PCDH7: variants seen among roughly 807,000 people sequenced by gnomAD.
The protein encoded by PCDH7 is protocadherin 7.
A neutral mutation model predicts 58.9 loss-of-function variants in PCDH7; 17 were observed. The observed-to-expected ratio is 0.29, with a 90% CI of 0.20 to 0.43. The LOEUF is 0.43. PCDH7 is among the 20% of genes least tolerant of loss of function. PCDH7 has a pLI of 1.00. For missense variants in PCDH7, 1,274 were observed against 1,441.0 expected, an observed-to-expected ratio of 0.88 and a Z score of 1.88; for synonymous variants, 664 against 616.4, an observed-to-expected ratio of 1.08 and a Z score of -1.14.
At chr4:30,753,812 A>T (rs534670420) in intron 1 of PCDH7, among the ~76,000 whole-genome samples, 39 of 152,308 alleles carry the variant, frequency 2.6e-4, no homozygotes, top group African/African-American at 9.1e-4. Context: ...CCTCCCAAAA[A>T]AATAATTACC....
At chr4:30,801,628 T>A (rs981518790) in intron 1 of PCDH7, among the ~76,000 whole-genome samples, 1 of 152,224 alleles carries the variant, frequency 6.6e-6, no homozygotes, top group African/African-American at 2.4e-5. Flanking sequence ...TAGCATATTT[T>A]GTTTTAAAGA....
At chr4:31,043,283 C>T (rs1756028199) in intron 3 of PCDH7, among the ~76,000 whole-genome samples, 1 of 152,072 alleles carries the variant, frequency 6.6e-6, no homozygotes, top group Non-Finnish European at 1.5e-5. Context: ...GATTTATATT[C>T]CTTTGGGTAT....
chr4:30,895,234 A>G (rs576583866), intron 1 of PCDH7, among the ~76,000 whole-genome samples: 3 of 151,956 alleles, frequency 2.0e-5, no homozygotes, highest in East Asian at 1.9e-4. Context: ...AAATCTTCCA[A>G]TTTAATCAGG....
intron 1 of PCDH7, among the ~76,000 whole-genome samples, chr4:30,820,658 C>A: frequency 6.6e-6 from 1 of 151,770 alleles, no homozygotes; most frequent in East Asian, 1.9e-4. Flanking sequence ...AGGTCACAAC[C>A]ATCACATCAT....
chr4:30,979,626 G>A (rs1164476316), intron 3 of PCDH7, among the ~76,000 whole-genome samples: 7 of 151,556 alleles, frequency 4.6e-5, no homozygotes, highest in Non-Finnish European at 1.0e-4. Flanking sequence ...AATATGACAT[G>A]CACTATCATA....
At chr4:31,122,930 G>C (rs1038927828) in intron 3 of PCDH7, among the ~76,000 whole-genome samples, 1 of 151,840 alleles carries the variant, frequency 6.6e-6, no homozygotes, top group African/African-American at 2.4e-5. Context: ...AGTTAACTTT[G>C]AATAGCTAGT....
chr4:31,146,751 G>C (rs1414706710), downstream of PCDH7: 2 of 152,072 alleles, frequency 1.3e-5, no homozygotes, highest in Non-Finnish European at 2.9e-5. Context: ...TAAATAAATT[G>C]CTTGTCATTT....
chr4:31,034,705 C>CT (rs1168135129), intron 3 of PCDH7, among the ~76,000 whole-genome samples: 1 of 152,120 alleles, frequency 6.6e-6, no homozygotes, highest in Admixed American at 6.5e-5. Context: ...CACATTTATC[C>CT]TATAATCTCG....
intron 3 of PCDH7, among the ~76,000 whole-genome samples, chr4:31,027,371 T>C (rs1754520723): frequency 6.6e-6 from 1 of 152,176 alleles, no homozygotes; most frequent in African/African-American, 2.4e-5. Context: ...AGTTTAAAAC[T>C]CCTATATTCA....
intron 1 of PCDH7, among the ~76,000 whole-genome samples, chr4:30,868,524 A>C (rs1044652738): frequency 3.9e-5 from 6 of 151,918 alleles, no homozygotes; most frequent in Non-Finnish European, 8.8e-5. Flanking sequence ...TTATTCAAAG[A>C]CTTCTGTTTG....
intron 1 of PCDH7, among the ~76,000 whole-genome samples, chr4:30,912,310 C>G (rs955610010): frequency 3.3e-5 from 5 of 152,178 alleles, no homozygotes; most frequent in African/African-American, 1.2e-4. Context: ...GCCACTGACA[C>G]TGGTTGAGAC....
intron 3 of PCDH7, among the ~76,000 whole-genome samples, chr4:31,027,509 G>A (rs1257635536): frequency 1.3e-5 from 2 of 151,884 alleles, no homozygotes; most frequent in African/African-American, 2.4e-5. Context: ...TGCAACCTCC[G>A]CCTCCCAGGT....
At chr4:31,130,672 C>G (rs1217924027) in intron 3 of PCDH7, among the ~76,000 whole-genome samples, 1 of 152,208 alleles carries the variant, frequency 6.6e-6, no homozygotes, top group Admixed American at 6.5e-5. Context: ...TATTCCCTTT[C>G]TAGAGGCTCA....
At chr4:31,116,040 C>A (rs1487256082) in intron 3 of PCDH7, among the ~76,000 whole-genome samples, 1 of 152,090 alleles carries the variant, frequency 6.6e-6, no homozygotes, top group Non-Finnish European at 1.5e-5. Context: ...ATATTAAAAT[C>A]CCTGTCTATA....
At chr4:30,974,795 G>C (rs1211833112) in intron 3 of PCDH7, among the ~76,000 whole-genome samples, 1 of 151,966 alleles carries the variant, frequency 6.6e-6, no homozygotes, top group African/African-American at 2.4e-5. Context: ...TAAGAGGGCT[G>C]TCTTAAAGGA....
chr4:30,848,412 TG>T (rs1381308402), intron 1 of PCDH7, among the ~76,000 whole-genome samples: 1 of 152,152 alleles, frequency 6.6e-6, no homozygotes, highest in East Asian at 1.9e-4. Context: ...GCATACAGCA[TG>T]GCATACTAAA....
chr4:31,095,614 A>G lies in PCDH7; in HGVS notation c.*8-46859A>G, dbSNP rs566818280. Among the ~76,000 whole-genome samples, 5 of 152,006 alleles carry G rather than the reference A, an allele frequency of 3.3e-5. No individual in the cohort carries two copies. In the South Asian group the frequency reaches 6.2e-4, roughly 19 times the overall value. On this transcript the variant is annotated intron_variant, in intron 3 of 3. Transcript: ENST00000509759. The stretch of plus-strand genomic sequence containing the variant: ...TATTTATTCAAAAATTTAAAAGAAG[A>G]CTCCTCTCCTGGTGAATAAGAGCTA...
rs1217372706 is a variant in PCDH7 at position 30,721,396 on chromosome 4, G to A, written c.-27G>A. ...GCGCCGAGGGGGCTGTGGTTAGAAGGAGCAGTAGCAGCAGCAGCAGGAGAA... is the reference window on the plus strand; with the variant it reads ...GCGCCGAGGGGGCTGTGGTTAGAAGAAGCAGTAGCAGCAGCAGCAGGAGAA... On this transcript the variant is annotated 5_prime_UTR_variant, in exon 1 of 2. Coordinates refer to ENST00000361762, the Ensembl canonical transcript of PCDH7. The surrounding 1 kb of genome is among the most constrained non-coding windows in gnomAD (Gnocchi z 6.7). 1 of 1,467,692 alleles carries A rather than the reference G, an allele frequency of 6.8e-7. No homozygotes were observed. Among genetic ancestry groups the A allele is most frequent in the Non-Finnish European group, 9.0e-7 (1 of 1,111,500 alleles). The allele number at this position is 1,467,692 out of a possible 1,614,324, so 90.9% of individuals were successfully genotyped here.
intron 3 of PCDH7, among the ~76,000 whole-genome samples, chr4:31,076,328 C>T (rs906890738): frequency 6.6e-6 from 1 of 152,138 alleles, no homozygotes; most frequent in Non-Finnish European, 1.5e-5. Flanking sequence ...TATTTTAATT[C>T]ATGCTTTATT....
Sources: gnomAD v4.1 joint callset for allele counts (sites outside exome capture counted in the v4.1 genomes callset) on GRCh38, gnomAD v4.1.1 for gene constraint, Gnocchi (gnomAD v3.1) non-coding constraint, MANE v1.5 for transcripts, NCBI Gene and HGNC (gene_info 2026-07-23, HGNC 2026-07-21) for gene names.